ADAMTSL1: variants seen among roughly 807,000 people sequenced by gnomAD.
ADAMTSL1 encodes ADAMTS-like protein 1.
Under a neutral mutation model 201.8 loss-of-function variants are expected in ADAMTSL1, and 126 were observed. The ratio of observed to expected loss-of-function variants is 0.62; its 90% CI spans 0.54 to 0.72. The LOEUF (loss-of-function observed/expected upper bound fraction) is 0.72. Among genes scored for constraint, ADAMTSL1 ranks in the 30% least tolerant of loss-of-function variants. The pLI, the probability that ADAMTSL1 is intolerant of heterozygous loss-of-function variation, is 0.00. For synonymous variants in ADAMTSL1, 1,121 were observed against 903.4 expected, an observed-to-expected ratio of 1.24 and a Z score of -4.32; for missense variants, 2,679 against 2,277.8, an observed-to-expected ratio of 1.18 and a Z score of -3.59.
intron 1 of ADAMTSL1, among the ~76,000 whole-genome samples, chr9:17,941,187 T>C (rs1827224879): frequency 6.6e-6 from 1 of 152,090 alleles, no homozygotes; most frequent in African/African-American, 2.4e-5. Flanking sequence ...TTCTTTTGGT[T>C]TAGATGTTTC....
intron 1 of ADAMTSL1, among the ~76,000 whole-genome samples, chr9:18,001,712 A>C (rs1819617652): frequency 6.6e-6 from 1 of 152,020 alleles, no homozygotes; most frequent in Non-Finnish European, 1.5e-5. Context: ...AACCATGGTG[A>C]TTTTGTAAAG....
chr9:18,088,339 G>A (rs1047148854), intron 1 of ADAMTSL1, among the ~76,000 whole-genome samples: 2 of 152,158 alleles, frequency 1.3e-5, no homozygotes, highest in African/African-American at 2.4e-5. Context: ...AGTTTTGGCA[G>A]TGACTTCATG....
At chr9:18,691,851 G>C (rs1225538578) in intron 13 of ADAMTSL1, among the ~76,000 whole-genome samples, 1 of 152,056 alleles carries the variant, frequency 6.6e-6, no homozygotes, top group African/African-American at 2.4e-5. Context: ...TAAAGTACCT[G>C]GTATGCAGGA....
intron 7 of ADAMTSL1, among the ~76,000 whole-genome samples, chr9:18,644,899 AC>A: frequency 6.6e-6 from 1 of 151,726 alleles, no homozygotes; most frequent in Non-Finnish European, 1.5e-5. Context: ...TTGGGTATAT[AC>A]CCAGTAATGG....
chr9:18,534,354 C>T (rs1473679947), intron 3 of ADAMTSL1, among the ~76,000 whole-genome samples: 2 of 152,004 alleles, frequency 1.3e-5, no homozygotes, highest in Admixed American at 6.6e-5. Flanking sequence ...CATAGCAAAA[C>T]CCTGTCTCTT....
intron 1 of ADAMTSL1, among the ~76,000 whole-genome samples, chr9:18,111,646 C>T (rs146019114): frequency 2.5e-3 from 388 of 152,214 alleles, no homozygotes; most frequent in African/African-American, 9.0e-3. Context: ...TTAGACTGAC[C>T]GCCATAAACA....
chr9:18,646,221 AT>A (rs1827802083), intron 7 of ADAMTSL1, among the ~76,000 whole-genome samples: 1 of 151,810 alleles, frequency 6.6e-6, no homozygotes, highest in Non-Finnish European at 1.5e-5. Context: ...AATGCTTGTG[AT>A]TTTTGTACAT....
intron 2 of ADAMTSL1, among the ~76,000 whole-genome samples, chr9:18,234,034 G>T (rs181678257): frequency 6.6e-6 from 1 of 152,216 alleles, no homozygotes; most frequent in African/African-American, 2.4e-5. Flanking sequence ...CGCCTGTGAA[G>T]GTTGGTGGCC....
chr9:18,686,546 A>T (rs1830851657), intron 13 of ADAMTSL1, among the ~76,000 whole-genome samples: 1 of 152,210 alleles, frequency 6.6e-6, no homozygotes. Context: ...GAAAGATGCT[A>T]TGTAATTAGA....
Position 18,842,630 on chromosome 9 carries a change from C to T in ADAMTSL1, c.4249+12653C>T, listed in dbSNP as rs555380788. 1.1e-4 allele frequency among the ~76,000 whole-genome samples: 16 copies of T among 152,242 alleles called. No individual in the cohort carries two copies. In the South Asian group the frequency reaches 1.2e-3, roughly 12 times the overall value. The stretch of plus-strand genomic sequence containing the variant: ...GTCTTGTTGATCTGTCTAATGTTGA[C>T]AGTGGGGCGTTAAAGTCTCCCATTA... On this transcript the variant is annotated intron_variant, in intron 23 of 28. Transcript: ENST00000380548.
At chr9:18,888,375 G>C (rs991211479) in intron 24 of ADAMTSL1, among the ~76,000 whole-genome samples, 2 of 152,188 alleles carry the variant, frequency 1.3e-5, no homozygotes, top group African/African-American at 4.8e-5. Flanking sequence ...GATTTAACTA[G>C]TACAGATCTC....
chr9:18,203,035 A>G (rs1213976957), intron 2 of ADAMTSL1, among the ~76,000 whole-genome samples: 1 of 152,126 alleles, frequency 6.6e-6, no homozygotes, highest in African/African-American at 2.4e-5. Flanking sequence ...GAGGTCCCCA[A>G]GTGTCAGGTA....
At position 18,823,634 on chromosome 9, in the gene ADAMTSL1, G is replaced by A. The variant is rs528769634; in HGVS notation, c.3935-2650G>A. On this transcript the variant is annotated intron_variant, in intron 21 of 28. Transcript: ENST00000380548. ...CTGCCCACAGCCCTCCTCAAAGGAA[G>A]ATGCAGGCAGTAAGTGCTGCATGTG... Among the ~76,000 whole-genome samples, 6 of 152,300 alleles carry A rather than the reference G, an allele frequency of 3.9e-5. No homozygotes were observed. The South Asian group carries it at 1.0e-3, about 26-fold the overall frequency.
At chr9:18,735,425 C>T (rs559817293) in intron 15 of ADAMTSL1, among the ~76,000 whole-genome samples, 3 of 152,312 alleles carry the variant, frequency 2.0e-5, no homozygotes, top group East Asian at 3.9e-4. Flanking sequence ...TGAGATATTT[C>T]AAAGGGTTGG....
chr9:18,430,227 G>A (rs1819424424), intron 2 of ADAMTSL1, among the ~76,000 whole-genome samples: 1 of 152,124 alleles, frequency 6.6e-6, no homozygotes. Flanking sequence ...ATAAGTGCCG[G>A]GTGGTTTCTA....
In ADAMTSL1 at chr9:18,889,561, A is replaced by T. The variant is rs762517858; in HGVS notation, c.4463-7A>T. 2 of 1,613,402 alleles carry T rather than the reference A, an allele frequency of 1.2e-6. No homozygotes were observed. The highest frequency in any genetic ancestry group is 1.7e-5 in the Admixed American group (1 of 59,964). The stretch of plus-strand genomic sequence containing the variant: ...TCTTTTCTACACTGCTCCTCCTCCC[A>T]TGACAGATTACTGGTGGTCTGTGGA... On this transcript the variant is annotated splice_region_variant and splice_polypyrimidine_tract_variant and intron_variant, in intron 24 of 28. Transcript: ENST00000380548.
intron 2 of ADAMTSL1, among the ~76,000 whole-genome samples, chr9:18,234,770 T>C (rs1830775872): frequency 6.6e-6 from 1 of 152,234 alleles, no homozygotes; most frequent in Non-Finnish European, 1.5e-5. Context: ...CTCCTATGGA[T>C]GTTTCAGAAC....
chr9:18,160,166 T>C (rs573227596), intron 1 of ADAMTSL1, among the ~76,000 whole-genome samples: 2 of 152,090 alleles, frequency 1.3e-5, no homozygotes, highest in South Asian at 4.1e-4. Flanking sequence ...AAGGAATGCT[T>C]TGGTGTGCCA....
At chr9:17,968,318 A>G (rs1044860514) in intron 1 of ADAMTSL1, among the ~76,000 whole-genome samples, 16 of 152,084 alleles carry the variant, frequency 1.1e-4, no homozygotes, top group African/African-American at 3.9e-4. Context: ...TTTCTTCCTA[A>G]GTGTTACAAT....
Sources: allele counts gnomAD v4.1 joint callset (sites outside exome capture counted in the v4.1 genomes callset), GRCh38; gene constraint gnomAD v4.1.1; transcripts MANE v1.5; gene names NCBI Gene and HGNC (gene_info 2026-07-23, HGNC 2026-07-21).